CDH13: variants seen among roughly 807,000 people sequenced by gnomAD.
CDH13 encodes the protein cadherin-13.
In CDH13, 24 loss-of-function variants were observed where a neutral mutation model predicts 63.8. The ratio of observed to expected loss-of-function variants is 0.38; its 90% CI spans 0.27 to 0.53. The LOEUF (loss-of-function observed/expected upper bound fraction) is 0.53, where lower values mean the gene tolerates loss of function less well. Ranked by LOEUF, CDH13 falls within the 20% of genes least tolerant of loss-of-function variation. CDH13 has a pLI of 0.85. For synonymous variants in CDH13, 503 were observed against 355.3 expected (o/e 1.42, Z -4.67); for missense variants, 1,049 against 903.1 (o/e 1.16, Z -2.07).
rs144956730 is a variant in CDH13, at chr16:83,196,198, G to C, written c.484-21147G>C. On this transcript the variant is annotated intron_variant, in intron 4 of 13. Coordinates refer to ENST00000567109, the MANE Select transcript of CDH13 (RefSeq NM_001257.5). ...TTGAACCCGGGAGGCGGAGGTTGCA[G>C]TGAGCCTAGAACACGCCATTGCGCT... Among the ~76,000 whole-genome samples the C allele has an allele frequency of 2.6e-5, 4 of 152,286 alleles. No individual in the cohort carries two copies. The East Asian group carries it at 5.8e-4, about 22-fold the overall frequency.
intron 10 of CDH13, among the ~76,000 whole-genome samples, chr16:83,699,629 ACACACACG>A (rs1905910263): frequency 6.6e-6 from 1 of 152,048 alleles, no homozygotes; most frequent in African/African-American, 2.4e-5. Flanking sequence ...ACACATATGC[ACACACACG>A]TGTATGTGCA....
At chr16:82,791,802 T>G (rs1354438116) in intron 1 of CDH13, among the ~76,000 whole-genome samples, 2 of 152,180 alleles carry the variant, frequency 1.3e-5, no homozygotes, top group African/African-American at 4.8e-5. Context: ...CTCCGTGGTT[T>G]TCTTCTGTGA....
At chr16:83,423,211 T>C (rs931687695) in intron 6 of CDH13, among the ~76,000 whole-genome samples, 2 of 152,208 alleles carry the variant, frequency 1.3e-5, no homozygotes, top group African/African-American at 4.8e-5. Context: ...AAGAATTGTG[T>C]AAGTCCTCAG....
At chr16:83,452,746 C>G (rs1292642759) in intron 6 of CDH13, among the ~76,000 whole-genome samples, 1 of 152,066 alleles carries the variant, frequency 6.6e-6, no homozygotes, top group Admixed American at 6.5e-5. Flanking sequence ...AAGAGAAGTA[C>G]CTCGGTGAAA....
At chr16:83,757,436 G>A (rs1247786636) in intron 11 of CDH13, among the ~76,000 whole-genome samples, 1 of 152,130 alleles carries the variant, frequency 6.6e-6, no homozygotes, top group Non-Finnish European at 1.5e-5. Flanking sequence ...AGATTAGCTG[G>A]ATACAGTGGC....
intron 5 of CDH13, among the ~76,000 whole-genome samples, chr16:83,222,718 T>C (rs1450171468): frequency 6.6e-6 from 1 of 152,056 alleles, no homozygotes; most frequent in African/African-American, 2.4e-5. Context: ...GTCAACAAAA[T>C]CACCTCCAAC....
In CDH13 at chr16:82,979,348, T is replaced by C. The variant is rs570563434; in HGVS notation, c.158-52662T>C. On this transcript the variant is annotated intron_variant, in intron 2 of 13. Coordinates refer to ENST00000567109, the MANE Select transcript of CDH13 (RefSeq NM_001257.5). ...TCTTTTGAAATGTGAGTACACGGGA[T>C]TTTGGAGAGTAGGGGCAGAGTGATA... Among the ~76,000 whole-genome samples the C allele has an allele frequency of 4.6e-5, 7 of 152,158 alleles. No homozygotes were observed. In the South Asian group the frequency reaches 1.5e-3, roughly 32 times the overall value.
At chr16:83,381,777 G>C (rs1345938045) in intron 6 of CDH13, among the ~76,000 whole-genome samples, 9 of 151,618 alleles carry the variant, frequency 5.9e-5, no homozygotes, top group Non-Finnish European at 1.5e-5. Flanking sequence ...TAGATCCAGG[G>C]TATTTTTCAA....
chr16:83,776,370 A>G (rs1310749419), intron 11 of CDH13, among the ~76,000 whole-genome samples: 2 of 152,246 alleles, frequency 1.3e-5, no homozygotes, highest in African/African-American at 4.8e-5. Flanking sequence ...CTAAATGACT[A>G]AAACTGACAG....
intron 2 of CDH13, among the ~76,000 whole-genome samples, chr16:83,011,512 TG>T (rs1914152992): frequency 6.6e-6 from 1 of 152,200 alleles, no homozygotes; most frequent in African/African-American, 2.4e-5. Context: ...TGACCCATGT[TG>T]CTTCTGGGTC....
intron 7 of CDH13, among the ~76,000 whole-genome samples, chr16:83,598,630 C>T (rs911277230): frequency 6.6e-6 from 1 of 152,062 alleles, no homozygotes; most frequent in African/African-American, 2.4e-5. Context: ...ACATCTGAAT[C>T]AAGTGTCTTG....
Position 83,590,198 on chromosome 16 carries a change from C to T in CDH13, c.961-12256C>T, listed in dbSNP as rs1436840772. 8.5e-5 allele frequency among the ~76,000 whole-genome samples: 13 copies of T among 152,114 alleles called. No homozygotes were observed. In the East Asian group the frequency reaches 1.9e-3, roughly 23 times the overall value. ...GGTCAGATGGTAGCTGGACAGTTCG[C>T]TCTGGCTGGCTTTGGGGTGGAGAGG... is the stretch of plus-strand genomic sequence containing the variant. On this transcript the variant is annotated intron_variant, in intron 7 of 13. Coordinates refer to ENST00000567109, the MANE Select transcript of CDH13 (RefSeq NM_001257.5).
intron 3 of CDH13, among the ~76,000 whole-genome samples, chr16:83,060,013 C>A (rs2031381203): frequency 6.6e-6 from 1 of 151,944 alleles, no homozygotes; most frequent in Non-Finnish European, 1.5e-5. Context: ...CCAGGGTGGT[C>A]TTGATCTCCT....
intron 1 of CDH13, among the ~76,000 whole-genome samples, chr16:82,806,003 C>T (rs1226711710): frequency 1.3e-5 from 2 of 152,202 alleles, no homozygotes; most frequent in East Asian, 3.9e-4. Flanking sequence ...ATCTAATTTT[C>T]ATTGAGCTTA....
intron 7 of CDH13, among the ~76,000 whole-genome samples, chr16:83,490,136 C>T (rs562842232): frequency 3.3e-5 from 5 of 152,088 alleles, no homozygotes; most frequent in African/African-American, 1.2e-4. Context: ...ACTCTGGAAT[C>T]CCATTGGGTG....
chr16:83,658,948 C>T (rs1212337714), intron 8 of CDH13, among the ~76,000 whole-genome samples: 9 of 135,878 alleles, frequency 6.6e-5, no homozygotes, highest in Non-Finnish European at 3.1e-5. Context: ...ATGTCCTCAC[C>T]ACCAGGTCCC....
intron 6 of CDH13, among the ~76,000 whole-genome samples, chr16:83,398,672 T>C (rs2091923520): frequency 6.6e-6 from 1 of 152,210 alleles, no homozygotes; most frequent in South Asian, 2.1e-4. Context: ...TTTGTACTTC[T>C]AACATGTTCA....
At chr16:83,357,570 A>T (rs376869598) in intron 6 of CDH13, among the ~76,000 whole-genome samples, 5 of 151,262 alleles carry the variant, frequency 3.3e-5, no homozygotes, top group African/African-American at 1.2e-4. Flanking sequence ...TCCAAGTTTG[A>T]ATGATTTTGT....
At chr16:82,890,361 C>T (rs1258518493) in intron 2 of CDH13, among the ~76,000 whole-genome samples, 18 of 152,168 alleles carry the variant, frequency 1.2e-4, no homozygotes, top group African/African-American at 2.4e-5. Context: ...TTTGATCACT[C>T]ACCACCATCT....
Sources: allele counts gnomAD v4.1 joint callset (sites outside exome capture counted in the v4.1 genomes callset), GRCh38; gene constraint gnomAD v4.1.1; transcripts MANE v1.5; gene names NCBI Gene and HGNC (gene_info 2026-07-23, HGNC 2026-07-21).